CROCC2: variants seen among roughly 807,000 people sequenced by gnomAD.
CROCC2 encodes the protein ciliary rootlet coiled-coil protein 2.
A neutral mutation model predicts 177.6 loss-of-function variants in CROCC2; 163 were observed. The ratio of observed to expected loss-of-function variants is 0.92; its 90% CI spans 0.81 to 1.05. The LOEUF (loss-of-function observed/expected upper bound fraction) is 1.05, where lower values mean the gene tolerates loss of function less well. Among genes scored for constraint, CROCC2 ranks in the 50% least tolerant of loss-of-function variants. The pLI, the probability that CROCC2 is intolerant of heterozygous loss-of-function variation, is 0.00. For missense variants in CROCC2, 1,929 were observed against 1,797.8 expected, an observed-to-expected ratio of 1.07 and a Z score of -1.32; for synonymous variants, 904 against 787.3, an observed-to-expected ratio of 1.15 and a Z score of -2.48.
chr2:240,968,126 C>T lies in CROCC2; in HGVS notation c.4268-3C>T. The T allele has an allele frequency of 1.4e-6, 2 of 1,445,840 alleles. No individual in the cohort carries two copies. Among genetic ancestry groups the T allele is most frequent in the South Asian group, 1.4e-5 (1 of 71,672 alleles). 89.6% of individuals were successfully genotyped at this position (1,445,840 alleles called of 1,614,324 possible). On this transcript the variant is annotated splice_region_variant and splice_polypyrimidine_tract_variant and intron_variant, in intron 26 of 31. Transcript: ENST00000690015. ...CCCTCAAGCCACCCTGCTTGCCCCA[C>T]AGGCCAGCGCCGGGTGGAGGGCGCG...
intron 28 of CROCC2, among the ~76,000 whole-genome samples, chr2:240,986,632 C>T (rs12694991): frequency 0.54 from 81,441 of 152,056 alleles, 22,134 homozygotes; most frequent in East Asian, 0.61. Flanking sequence ...GGCTGGATGG[C>T]GCAGGGGGAG....
chr2:240,988,992 G>T, intron 29 of CROCC2, 122 bp downstream of exon 29: 1 of 1,078,490 alleles, frequency 9.3e-7, no homozygotes, highest in South Asian at 3.1e-5. Flanking sequence ...GTGCACACAT[G>T]GGGAGGGTGG....
At chr2:240,963,365 C>A (rs998161982) in intron 20 of CROCC2, 191 bp from the exon 21 acceptor site, 4 of 596,784 alleles carry the variant, frequency 6.7e-6, no homozygotes, top group Middle Eastern at 9.2e-4. Context: ...CCTGCCTCAG[C>A]CCGTGGAAGC....
At chr2:240,967,008 G>A (rs12471544) in intron 25 of CROCC2, among the ~76,000 whole-genome samples, 86,162 of 151,666 alleles carry the variant, frequency 0.57, 25,130 homozygotes, top group Non-Finnish European at 0.63. Context: ...CCCAAGTCCC[G>A]CCAGGGGCAG....
At position 240,932,605 on chromosome 2, in the gene CROCC2, T is replaced by TAGC. The variant is rs2059440299; in HGVS notation, c.1045-96_1045-94dup. The TAGC allele has an allele frequency of 7.1e-6, 5 of 703,510 alleles. No individual in the cohort carries two copies. In the Admixed American group the frequency reaches 8.2e-5, roughly 12 times the overall value. The allele number at this position is 703,510 out of a possible 1,614,324, so 43.6% of individuals were successfully genotyped here. On this transcript the variant is annotated intron_variant, in intron 8 of 31. Coordinates refer to ENST00000690015, the MANE Select transcript of CROCC2 (RefSeq NM_001351305.2). ...GTCCTCCCAGTGGCAAAGGTGGAGGTAGCCCGCAGGGACCCTCAGGACTGT... is the reference window on the plus strand; with the variant it reads ...GTCCTCCCAGTGGCAAAGGTGGAGGTAGCAGCCCGCAGGGACCCTCAGGACTGT...
Position 240,931,226 on chromosome 2 carries a change from C to T in CROCC2, c.947+98C>T, listed in dbSNP as rs1420576851. 8 of 616,186 alleles carry T rather than the reference C, an allele frequency of 1.3e-5. No individual in the cohort carries two copies. In the East Asian group the frequency reaches 2.2e-4, roughly 17 times the overall value. 38.2% of individuals were successfully genotyped at this position (616,186 alleles called of 1,614,324 possible). Reference sequence around the variant, plus strand: ...GCTGTGGATCCCAGATGTGGTCACACCGTTCCAGGGCAGGTGGGGCCCTGA... The same window carrying T: ...GCTGTGGATCCCAGATGTGGTCACATCGTTCCAGGGCAGGTGGGGCCCTGA... On this transcript the variant is annotated intron_variant, in intron 7 of 31. Coordinates refer to ENST00000690015, the MANE Select transcript of CROCC2 (RefSeq NM_001351305.2).
chr2:240,933,549 G>A (rs1010061127), intron 10 of CROCC2, 121 bp from the exon 11 acceptor site: 1 of 1,239,570 alleles, frequency 8.1e-7, no homozygotes. Flanking sequence ...TGCTTCTCAG[G>A]CTCCCTCTGC....
chr2:240,946,291 G>C (rs1247027511), intron 15 of CROCC2, 38 bp downstream of exon 15: 1 of 1,491,308 alleles, frequency 6.7e-7, no homozygotes, highest in Non-Finnish European at 9.0e-7. Context: ...TGTCCCACGT[G>C]TCCTTGCCCA....
In CROCC2 at chr2:240,932,731, G is replaced by T; in HGVS notation, c.1074G>T (p.Glu358Asp). The change falls in exon 9 of 32, where the codon GAG becomes GAT. Residue 358 changes from glutamate (E) to aspartate (D), a missense_variant. Transcript: ENST00000690015. ...LVAQEDARCL[E>D]LAGSSITELG... ...CCCAGGAGGACGCCCGGTGCCTGGA[G>T]CTGGCAGGTAGCAGCATCACTGAAT... 1 of 905,392 alleles carries T rather than the reference G, an allele frequency of 1.1e-6. No individual in the cohort carries two copies. 56.1% of individuals were successfully genotyped at this position (905,392 alleles called of 1,614,324 possible). A position where few individuals can be genotyped will look rare whatever the true frequency, so the allele number is the denominator to read the frequency against.
chr2:240,989,704 G>A lies in CROCC2; in HGVS notation c.4734G>A (p.Leu1578=). The change falls in exon 30 of 32, where the codon CTG becomes CTA. Residue 1578 remains leucine, a synonymous_variant. Transcript: ENST00000690015. ...EQAHTQRLQD[L]TAQHQRDLAT... is the part of the protein sequence containing the mutation. ...CCCACACCCAGCGGCTCCAGGACCT[G>A]ACAGCTCAGCACCAGCGGGACCTGG... is the stretch of plus-strand genomic sequence containing the variant. The A allele has an allele frequency of 6.5e-7, 1 of 1,550,256 alleles. No individual in the cohort carries two copies. Among genetic ancestry groups the A allele is most frequent in the Non-Finnish European group, 8.7e-7 (1 of 1,146,744 alleles).
rs2059330990 is a variant in CROCC2 at position 240,917,943 on chromosome 2, C to T, written c.79-783C>T. On this transcript the variant is annotated intron_variant, in intron 1 of 31. Transcript: ENST00000690015. The surrounding 1 kb of genome is among the most constrained non-coding windows in gnomAD (Gnocchi z 4.9). ...CTCCCCAAGCTGTGCCCCTGCCCGG[C>T]AAAATGCCATTAGAGCCCAAGACCC... is the stretch of plus-strand genomic sequence containing the variant. Among the ~76,000 whole-genome samples, 1 of 152,168 alleles carries T rather than the reference C, an allele frequency of 6.6e-6. No individual in the cohort carries two copies. Among genetic ancestry groups the T allele is most frequent in the Admixed American group, 6.5e-5 (1 of 15,288 alleles).
At chr2:240,983,101 T>C in intron 28 of CROCC2, 72 bp downstream of exon 28, 1 of 1,407,310 alleles carries the variant, frequency 7.1e-7, no homozygotes, top group Non-Finnish European at 9.6e-7. Flanking sequence ...GAAGAGGCCC[T>C]GTGGTCCTTT....
intron 28 of CROCC2, 125 bp downstream of exon 28, chr2:240,983,154 C>A (rs2059812984): frequency 2.8e-6 from 3 of 1,066,186 alleles, no homozygotes; most frequent in Non-Finnish European, 4.0e-6. Flanking sequence ...TAGAGAGATG[C>A]TGGAGGCAGG....
chr2:240,923,328 AC>A (rs2106455623), intron 4 of CROCC2, among the ~76,000 whole-genome samples: 1 of 151,592 alleles, frequency 6.6e-6, no homozygotes, highest in East Asian at 1.9e-4. Flanking sequence ...GACCCTGGCC[AC>A]CAGCCACACC....
intron 27 of CROCC2, among the ~76,000 whole-genome samples, chr2:240,969,638 T>C (rs1270590303): frequency 6.6e-6 from 1 of 152,250 alleles, no homozygotes; most frequent in Non-Finnish European, 1.5e-5. Context: ...GGGCCAAGTT[T>C]CATTTTATGT....
chr2:240,910,950 G>A (rs1162071403), intron 1 of CROCC2, among the ~76,000 whole-genome samples: 2 of 152,044 alleles, frequency 1.3e-5, no homozygotes, highest in Non-Finnish European at 2.9e-5. Context: ...GGCCAACATG[G>A]TGAAACCCCG....
rs966897906 is a variant in CROCC2 at position 240,965,390 on chromosome 2, C to T, written c.3475C>T (p.Leu1159=). 1 of 1,549,450 alleles carries T rather than the reference C, an allele frequency of 6.5e-7. No individual in the cohort carries two copies. The highest frequency in any genetic ancestry group is 1.2e-5 in the South Asian group (1 of 84,010). Residue 1159 remains leucine, a synonymous_variant, in exon 23 of 32, where the codon CTG becomes TTG. Coordinates refer to ENST00000690015, the MANE Select transcript of CROCC2 (RefSeq NM_001351305.2). ...GGCCCCACGCTCCCAGGTGAGGACA[C>T]TGAAGGCCGAGAACCAGAGGAGGAG... ...LRELHRQVRT[L]KAENQRRSGE... is the part of the protein sequence containing the mutation.
At chr2:240,959,189 TC>T (rs1268628075) in intron 19 of CROCC2, 111 bp from the exon 20 acceptor site, 207 of 1,266,192 alleles carry the variant, frequency 1.6e-4, no homozygotes, top group Middle Eastern at 2.8e-4. Context: ...AGGACCCGGC[TC>T]CCCCTCCCAG....
intron 20 of CROCC2, among the ~76,000 whole-genome samples, chr2:240,961,879 A>ATC (rs143369770): frequency 0.11 from 11,828 of 109,810 alleles, 2,048 homozygotes; most frequent in Non-Finnish European, 0.13. Flanking sequence ...ACACATGCTC[A>ATC]TCACACACAT....
Sources: gnomAD v4.1 joint callset for allele counts (sites outside exome capture counted in the v4.1 genomes callset) on GRCh38, gnomAD v4.1.1 for gene constraint, Gnocchi (gnomAD v3.1) non-coding constraint, MANE v1.5 for transcripts, NCBI Gene and HGNC (gene_info 2026-07-23, HGNC 2026-07-21) for gene names.